Variants in RNF14 observed in about 807,000 individuals in gnomAD.
RNF14 encodes E3 ubiquitin-protein ligase RNF14.
Under a neutral mutation model 52.6 loss-of-function variants are expected in RNF14, and 26 were observed. That is an observed-to-expected ratio of 0.49 (90% CI 0.36 to 0.69). The LOEUF is 0.69. Among genes scored for constraint, RNF14 ranks in the 30% least tolerant of loss-of-function variants. The pLI is 0.00. For synonymous variants in RNF14, 194 were observed against 202.0 expected, an observed-to-expected ratio of 0.96 and a Z score of 0.34; for missense variants, 404 against 560.4, an observed-to-expected ratio of 0.72 and a Z score of 2.82.
At chr5:141,961,137 A>G (rs531790011) in intron 1 of RNF14, among the ~76,000 whole-genome samples, 1 of 152,300 alleles carries the variant, frequency 6.6e-6, no homozygotes, top group South Asian at 2.1e-4. Flanking sequence ...TACTTGTGTT[A>G]ACATTTATAT....
chr5:141,978,279 A>G (rs767253068), intron 4 of RNF14, 24 bp from the exon 5 acceptor site: 15 of 1,535,136 alleles, frequency 9.8e-6, no homozygotes, highest in South Asian at 6.4e-5. Context: ...AAACTCACCA[A>G]CATCTTCATG....
chr5:141,983,669 CCTT>C, intron 7 of RNF14, 117 bp downstream of exon 7: 3 of 838,018 alleles, frequency 3.6e-6, no homozygotes, highest in Non-Finnish European at 5.4e-6. Context: ...TATTATTACA[CCTT>C]CTTACGTGGA....
chr5:141,978,147 T>A (rs1449139384), intron 4 of RNF14, among the ~76,000 whole-genome samples, 156 bp from the exon 5 acceptor site: 1 of 33,306 alleles, frequency 3.0e-5, no homozygotes, highest in Non-Finnish European at 5.1e-5. Flanking sequence ...AGAATGTTTG[T>A]ACTGTTTTGT....
chr5:141,971,981 A>G (rs1358895759), intron 2 of RNF14, among the ~76,000 whole-genome samples: 5 of 152,172 alleles, frequency 3.3e-5, no homozygotes, highest in Non-Finnish European at 7.3e-5. Flanking sequence ...ACCTAAAATA[A>G]TGGTAAATCT....
intron 6 of RNF14, among the ~76,000 whole-genome samples, chr5:141,982,843 T>A (rs1754901090): frequency 6.6e-6 from 1 of 152,212 alleles, no homozygotes; most frequent in Non-Finnish European, 1.5e-5. Flanking sequence ...TGAATGGTGC[T>A]GACTTAGTGG....
upstream of RNF14, chr5:141,956,268 C>T (rs1263627400): frequency 1.2e-6 from 2 of 1,614,044 alleles, no homozygotes; most frequent in African/African-American, 2.7e-5. Flanking sequence ...CAAAGCCGGC[C>T]ATCTCTTCAT....
In RNF14 at chr5:141,978,713, G is replaced by C; in HGVS notation, c.717G>C (p.Arg239Ser). ...GSECMYFLEC[R>S]HVYCKACLKD... The stretch of plus-strand genomic sequence containing the variant: ...AATGCATGTACTTCTTGGAGTGCAG[G>C]CATGTGTACTGCAAAGCCTGTCTGA... Residue 239 changes from arginine (R) to serine (S), a missense_variant, in exon 5 of 9, where the codon AGG (arginine) becomes AGC (serine). Transcript: ENST00000394520. 13 of 1,613,984 alleles carry C rather than the reference G, an allele frequency of 8.1e-6. No individual in the cohort carries two copies. The highest frequency in any genetic ancestry group is 1.1e-5 in the Non-Finnish European group (13 of 1,179,860).
chr5:141,978,395 G>C lies in RNF14; in HGVS notation c.399G>C (p.Glu133Asp). The C allele has an allele frequency of 6.2e-7, 1 of 1,614,176 alleles. No individual in the cohort carries two copies. The highest frequency in any genetic ancestry group is 8.5e-7 in the Non-Finnish European group (1 of 1,180,026). ...LFAWMQFLKE[E>D]TLAYLNIVSP... ...CCTGGATGCAATTTCTTAAGGAAGA[G>C]ACCCTAGCATACTTGAATATTGTCT... is the stretch of plus-strand genomic sequence containing the variant. The change falls in exon 5 of 9, where the codon GAG becomes GAC. Residue 133 changes from glutamate (E) to aspartate (D), a missense_variant. Glu to Asp is a conservative substitution (Grantham distance 45, BLOSUM62 2). Transcript: ENST00000394520.
chr5:141,983,055 A>G (rs951698446), intron 6 of RNF14, among the ~76,000 whole-genome samples: 4 of 152,138 alleles, frequency 2.6e-5, no homozygotes, highest in Non-Finnish European at 5.9e-5. Flanking sequence ...TGCAAGTATA[A>G]TTTTTACTGG....
the RNF14 span, chr5:141,951,424 A>C: frequency 3.5e-6 from 4 of 1,147,478 alleles, no homozygotes; most frequent in African/African-American, 6.1e-5. Flanking sequence ...CCTCACTCAC[A>C]GAGGCTGCAG....
Position 141,983,366 on chromosome 5 carries a change from A to G in RNF14, c.1064-14A>G. On this transcript the variant is annotated splice_polypyrimidine_tract_variant and intron_variant, in intron 6 of 8. Coordinates refer to ENST00000394520, the MANE Select transcript of RNF14 (RefSeq NM_004290.5). The stretch of plus-strand genomic sequence containing the variant: ...AAAGTTATATAAAAGTTAATTTTCC[A>G]TTTCACTTTGTAGAGAAATTAATGG... 3 of 1,603,486 alleles carry G rather than the reference A, an allele frequency of 1.9e-6. No homozygotes were observed. Among genetic ancestry groups the G allele is most frequent in the Admixed American group, 1.8e-5 (1 of 56,782 alleles).
the RNF14 span, chr5:141,953,121 C>A: frequency 6.6e-6 from 1 of 152,242 alleles, no homozygotes; most frequent in Non-Finnish European, 1.5e-5. Context: ...ATGCCAAGCC[C>A]TATGCTGAGC....
In RNF14 at chr5:141,973,620, A is replaced by G. The variant is rs1164645662; in HGVS notation, c.32A>G (p.Asp11Gly). The G allele has an allele frequency of 1.9e-6, 3 of 1,613,822 alleles. No individual in the cohort carries two copies. Among genetic ancestry groups the G allele is most frequent in the Non-Finnish European group, 2.5e-6 (3 of 1,179,878 alleles). Residue 11 changes from aspartate to glycine, a missense_variant, in exon 3 of 9, where the codon GAT becomes GGT. Transcript: ENST00000394520. MSSEDREAQE[D>G]ELLALASIYD... ...TCAGAAGATCGAGAAGCTCAGGAGG[A>G]TGAATTGCTGGCCCTGGCAAGTATT...
At chr5:141,975,035 C>T (rs1754122839) in intron 4 of RNF14, 80 bp downstream of exon 4, 9 of 1,459,560 alleles carry the variant, frequency 6.2e-6, no homozygotes, top group Admixed American at 2.0e-5. Context: ...TCTTAAAGAT[C>T]TTGAATTCAG....
At chr5:141,955,672 C>G (rs1596646679), upstream of RNF14, 1 of 1,614,130 alleles carries the variant, frequency 6.2e-7, no homozygotes, top group Non-Finnish European at 8.5e-7. This position sits in a 1 kb window ranked among gnomAD's most constrained non-coding sequence, Gnocchi z 5.5. Flanking sequence ...CCCGAAGATG[C>G]CCAACAGTAC....
intron 5 of RNF14, 103 bp from the exon 6 acceptor site, chr5:141,980,014 GTTTTAA>G: frequency 2.4e-6 from 2 of 821,152 alleles, no homozygotes; most frequent in East Asian, 4.9e-5. Context: ...TGAAAGAGAG[GTTTTAA>G]TTTATGTGCC....
At chr5:141,960,022 G>A (rs942192743) in intron 1 of RNF14, among the ~76,000 whole-genome samples, 1 of 152,228 alleles carries the variant, frequency 6.6e-6, no homozygotes, top group Non-Finnish European at 1.5e-5. Context: ...GGCAAAGATG[G>A]CCTTGCATTT....
At chr5:141,967,993 A>T (rs1439194582), upstream of RNF14, among the ~76,000 whole-genome samples, 1 of 152,228 alleles carries the variant, frequency 6.6e-6, no homozygotes, top group African/African-American at 2.4e-5. Flanking sequence ...ATCTATTAGC[A>T]GTCACTTCCC....
upstream of RNF14, chr5:141,955,320 G>T: frequency 6.2e-7 from 1 of 1,614,204 alleles, no homozygotes; most frequent in Non-Finnish European, 8.5e-7. This position sits in a 1 kb window ranked among gnomAD's most constrained non-coding sequence, Gnocchi z 5.5. Context: ...GGTTGACCGT[G>T]TCTTGCAGCA....
Sources: allele counts gnomAD v4.1 joint callset (sites outside exome capture counted in the v4.1 genomes callset), GRCh38; gene constraint gnomAD v4.1.1; non-coding constraint Gnocchi (gnomAD v3.1); transcripts MANE v1.5; gene names NCBI Gene and HGNC (gene_info 2026-07-23, HGNC 2026-07-21).